The following GZMM variants were observed in gnomAD, a reference collection of about 807,000 sequenced individuals.
GZMM encodes granzyme M, also known as HU-Met-1.
Under a neutral mutation model 19.2 loss-of-function variants are expected in GZMM, and 23 were observed. The ratio of observed to expected loss-of-function variants is 1.20; its 90% confidence interval spans 0.86 to 1.69. The LOEUF (loss-of-function observed/expected upper bound fraction) is 1.69, where lower values mean the gene tolerates loss of function less well. Ranked by LOEUF, GZMM falls within the 40% of genes most tolerant of loss-of-function variation. GZMM has a pLI of 0.00. For synonymous variants in GZMM, 178 were observed against 160.2 expected, an observed-to-expected ratio of 1.11 and a Z score of -0.84; for missense variants, 373 against 352.2, an observed-to-expected ratio of 1.06 and a Z score of -0.47.
intron 1 of GZMM, among the ~76,000 whole-genome samples, chr19:546,219 T>G (rs1023211852): frequency 1.3e-5 from 2 of 152,224 alleles, no homozygotes; most frequent in African/African-American, 2.4e-5. Flanking sequence ...TAGGAAATTA[T>G]GCACTATACA....
chr19:545,508 G>T (rs549083683), intron 1 of GZMM, among the ~76,000 whole-genome samples: 21 of 149,534 alleles, frequency 1.4e-4, no homozygotes, highest in African/African-American at 4.4e-4. Context: ...CCACCATGCC[G>T]GGCTAATTTT....
Position 549,830 on chromosome 19 carries a change from G to A in GZMM, c.*39G>A, listed in dbSNP as rs1010046340. On this transcript the variant is annotated 3_prime_UTR_variant, in exon 5 of 5. Transcript: ENST00000264553. ...TGGGGACCCCCTCGCTGTCTCCACA[G>A]GACCCTTCCCCTCCAGGGGTGCAGT... is the stretch of plus-strand genomic sequence containing the variant. The A allele has an allele frequency of 1.9e-6, 3 of 1,550,068 alleles. No individual in the cohort carries two copies. The highest frequency in any genetic ancestry group is 2.6e-6 in the Non-Finnish European group (3 of 1,134,080).
rs778106883 is a variant in GZMM, at chr19:547,365, C to G, written c.141C>G (p.Gly47=). Residue 47 remains glycine, a synonymous_variant, in exon 2 of 5, where the codon GGC becomes GGG. Coordinates refer to ENST00000264553, the MANE Select transcript of GZMM (RefSeq NM_005317.4). ...ACATGGCCTCACTGCAGAGAAATGGCTCCCACCTGTGCGGGGGTGTCCTGG... is the reference window on the plus strand; with the variant it reads ...ACATGGCCTCACTGCAGAGAAATGGGTCCCACCTGTGCGGGGGTGTCCTGG... The part of the protein sequence containing the change: ...RPYMASLQRN[G]SHLCGGVLVH... 4.5e-6 allele frequency: 7 copies of G among 1,572,976 alleles called. No homozygotes were observed.
chr19:548,495 G>C (rs201024039), intron 2 of GZMM, 47 bp from the exon 3 acceptor site: 3 of 1,597,198 alleles, frequency 1.9e-6, no homozygotes, highest in Non-Finnish European at 2.6e-6. Flanking sequence ...GTGGCGGGTC[G>C]TCCACGCCGG....
intron 1 of GZMM, among the ~76,000 whole-genome samples, chr19:547,044 T>G: frequency 4.0e-5 from 2 of 50,190 alleles, no homozygotes; most frequent in African/African-American, 7.8e-5. Context: ...GGGGAGGTCC[T>G]GGAGAGGGGA....
intron 1 of GZMM, among the ~76,000 whole-genome samples, chr19:546,431 C>T (rs1354449010): frequency 6.6e-6 from 1 of 150,732 alleles, no homozygotes; most frequent in Non-Finnish European, 1.5e-5. Flanking sequence ...ATCCCAGCTA[C>T]TCGGGAGGCT....
At position 549,843 on chromosome 19, in the gene GZMM, C is replaced by T; in HGVS notation, c.*52C>T. The stretch of plus-strand genomic sequence containing the variant: ...GCTGTCTCCACAGGACCCTTCCCCT[C>T]CAGGGGTGCAGTGGGGTGGGTGAGG... On this transcript the variant is annotated 3_prime_UTR_variant, in exon 5 of 5. Coordinates refer to ENST00000264553, the MANE Select transcript of GZMM (RefSeq NM_005317.4). 1 of 1,410,470 alleles carries T rather than the reference C, an allele frequency of 7.1e-7. No individual in the cohort carries two copies. The highest frequency in any genetic ancestry group is 1.7e-5 in the Admixed American group (1 of 58,622). The allele number at this position is 1,410,470 out of a possible 1,614,324, so 87.4% of individuals were successfully genotyped here. A position where few individuals can be genotyped will look rare whatever the true frequency, so the allele number is the denominator to read the frequency against.
At chr19:547,872 G>T (rs562434407) in intron 2 of GZMM, among the ~76,000 whole-genome samples, 23 of 152,308 alleles carry the variant, frequency 1.5e-4, no homozygotes, top group African/African-American at 5.5e-4. Context: ...GGTTCCCGGG[G>T]ATCAGGAAGC....
chr19:548,887 C>A (rs551457977), intron 3 of GZMM, 35 bp from the exon 4 acceptor site: 8 of 1,457,818 alleles, frequency 5.5e-6, no homozygotes, highest in African/African-American at 1.4e-5. Context: ...CTCACCCCCT[C>A]CCCCTGCTCA....
chr19:544,101 G>GCTGGCC lies in GZMM; in HGVS notation c.35_40dup (p.Ala12_Leu13dup). The GCTGGCC allele has an allele frequency of 1.3e-6, 2 of 1,550,620 alleles. No individual in the cohort carries two copies. Among genetic ancestry groups the GCTGGCC allele is most frequent in the Non-Finnish European group, 8.7e-7 (1 of 1,147,692 alleles). The stretch of plus-strand genomic sequence containing the variant: ...AGGCCTGCGTGTCTTCACTGCTGGT[G>GCTGGCC]CTGGCCCTGGGGGCCCTGTCAGTAG... On this transcript the variant is annotated inframe_insertion, in exon 1 of 5. Coordinates refer to ENST00000264553, the MANE Select transcript of GZMM (RefSeq NM_005317.4).
At chr19:545,769 A>G (rs558412296) in intron 1 of GZMM, among the ~76,000 whole-genome samples, 71 of 151,556 alleles carry the variant, frequency 4.7e-4, no homozygotes, top group Non-Finnish European at 8.2e-4. Flanking sequence ...TCAGCCTCCC[A>G]AGTAGCTGAG....
intron 1 of GZMM, among the ~76,000 whole-genome samples, chr19:546,043 G>C (rs930623349): frequency 4.7e-5 from 7 of 147,604 alleles, no homozygotes; most frequent in African/African-American, 1.7e-4. Context: ...ACCTCCCAAA[G>C]TGCTGGGATT....
At chr19:545,718 A>G (rs1282458545) in intron 1 of GZMM, among the ~76,000 whole-genome samples, 2 of 149,862 alleles carry the variant, frequency 1.3e-5, no homozygotes, top group Non-Finnish European at 3.0e-5. Flanking sequence ...ATCTCGGCTC[A>G]CCACAACCTC....
At chr19:549,208 T>C in intron 4 of GZMM, 23 bp downstream of exon 4, 1 of 1,545,108 alleles carries the variant, frequency 6.5e-7, no homozygotes, top group Non-Finnish European at 8.7e-7. Context: ...CGGGTGGGGC[T>C]GGGGGAATGA....
At chr19:548,765 G>A (rs1980388802) in intron 3 of GZMM, 88 bp downstream of exon 3, 7 of 901,230 alleles carry the variant, frequency 7.8e-6, no homozygotes, top group Non-Finnish European at 6.1e-6. Flanking sequence ...CCCCGCTGCC[G>A]ACCCTCCCCC....
chr19:549,235 G>A (rs921797358), intron 4 of GZMM, 50 bp downstream of exon 4: 24 of 1,509,702 alleles, frequency 1.6e-5, no homozygotes, highest in East Asian at 1.2e-4. Context: ...CGGGAGGGCC[G>A]GGGCCAGGGC....
Position 547,401 on chromosome 19 carries a change from G to A in GZMM, c.177G>A (p.Lys59=). Residue 59 remains lysine, a synonymous_variant, in exon 2 of 5, where the codon AAG becomes AAA. Coordinates refer to ENST00000264553, the MANE Select transcript of GZMM (RefSeq NM_005317.4). ...HLCGGVLVHP[K]WVLTAAHCLA... ...GCGGGGGTGTCCTGGTGCACCCAAA[G>A]TGGGTGCTGACGGCTGCCCACTGCC... is the stretch of plus-strand genomic sequence containing the variant. 6.6e-7 allele frequency: 1 copy of A among 1,515,592 alleles called. No homozygotes were observed. The allele number at this position is 1,515,592 out of a possible 1,614,324, so 93.9% of individuals were successfully genotyped here. A position where few individuals can be genotyped will look rare whatever the true frequency, so the allele number is the denominator to read the frequency against.
In GZMM at chr19:549,148, G is replaced by A. The variant is rs775373045; in HGVS notation, c.575G>A (p.Cys192Tyr). The part of the protein sequence containing the change: ...WNGSLSPSMV[C>Y]LAADSKDQAP... ...GGCAGCCTCTCCCCCAGCATGGTCT[G>A]CCTGGCGGCCGACTCCAAGGACCAG... Residue 192 changes from cysteine (C) to tyrosine (Y), a missense_variant, in exon 4 of 5, where the codon TGC becomes TAC. Physicochemically the swap from Cys to Tyr is radical, Grantham distance 194. Coordinates refer to ENST00000264553, the MANE Select transcript of GZMM (RefSeq NM_005317.4). 1.3e-6 allele frequency: 2 copies of A among 1,578,160 alleles called. No homozygotes were observed. The highest frequency in any genetic ancestry group is 2.3e-5 in the East Asian group (1 of 43,330).
In GZMM at chr19:549,766, G is replaced by C. The variant is rs1478039702; in HGVS notation, c.749G>C (p.Arg250Thr). 1 of 1,613,166 alleles carries C rather than the reference G, an allele frequency of 6.2e-7. No individual in the cohort carries two copies. Among genetic ancestry groups the C allele is most frequent in the Non-Finnish European group, 8.5e-7 (1 of 1,179,878 alleles). The change falls in exon 5 of 5, where the codon AGG becomes ACG. Residue 250 changes from arginine to threonine, a missense_variant. Arg to Thr is a moderately conservative substitution (Grantham distance 71). Coordinates refer to ENST00000264553, the MANE Select transcript of GZMM (RefSeq NM_005317.4). ...GTGGCGCCTTACGTGTCCTGGATCA[G>C]GAAGGTCACCGGCCGATCGGCCTGA... is the stretch of plus-strand genomic sequence containing the variant. ...TAVAPYVSWI[R>T]KVTGRSA
Sources: gnomAD v4.1 joint callset for allele counts (sites outside exome capture counted in the v4.1 genomes callset) on GRCh38, gnomAD v4.1.1 for gene constraint, MANE v1.5 for transcripts, NCBI Gene and HGNC (gene_info 2026-07-23, HGNC 2026-07-21) for gene names.